Variants in GCSH observed in about 807,000 individuals in gnomAD.
GCSH encodes glycine cleavage system protein H, also known as glycine cleavage system H protein, mitochondrial.
A neutral mutation model predicts 21.3 loss-of-function variants in GCSH; 15 were observed. That is an observed-to-expected ratio of 0.70 (90% confidence interval 0.47 to 1.08). The LOEUF (loss-of-function observed/expected upper bound fraction) is 1.08, where lower values mean the gene tolerates loss of function less well. GCSH is among the 50% of genes least tolerant of loss of function. The pLI, the probability that GCSH is intolerant of heterozygous loss-of-function variation, is 0.00. For missense variants in GCSH, 179 were observed against 217.5 expected (o/e 0.82, Z 1.11); for synonymous variants, 59 against 84.5 (o/e 0.70, Z 1.66).
intron 4 of GCSH, chr16:81,084,216 C>G: frequency 1.7e-6 from 1 of 583,996 alleles, no homozygotes; most frequent in South Asian, 2.1e-5. Context: ...TGGACTAAAG[C>G]AATCCACCCA....
rs201259572 is a variant in GCSH at position 81,082,849 on chromosome 16, A to C, written c.*17T>G. 6 of 1,041,434 alleles carry C rather than the reference A, an allele frequency of 5.8e-6. No individual in the cohort carries two copies. In the East Asian group the frequency reaches 1.4e-4, roughly 25 times the overall value. The allele number at this position is 1,041,434 out of a possible 1,614,324, so 64.5% of individuals were successfully genotyped here. ...GGCTTGCGTTATTTCATACTAGTTTATTTAGGAGTTCCATTTTCACTCCTC... is the reference window on the plus strand; with the variant it reads ...GGCTTGCGTTATTTCATACTAGTTTCTTTAGGAGTTCCATTTTCACTCCTC... On this transcript the variant is annotated 3_prime_UTR_variant, in exon 5 of 5. Transcript: ENST00000315467.
chr16:81,085,302 C>T (rs371610679), intron 3 of GCSH, among the ~76,000 whole-genome samples: 65 of 152,250 alleles, frequency 4.3e-4, no homozygotes, highest in African/African-American at 1.3e-3. Context: ...CGTGAGCCAC[C>T]GTGCCTGGCC....
intron 1 of GCSH, among the ~76,000 whole-genome samples, chr16:81,093,868 G>T (rs574754501): frequency 7.3e-4 from 111 of 152,144 alleles, no homozygotes; most frequent in African/African-American, 2.6e-3. Context: ...TTTAACCCTT[G>T]GCCCGACAGG....
chr16:81,084,675 C>A, intron 3 of GCSH, 81 bp from the exon 4 acceptor site: 1 of 1,006,204 alleles, frequency 9.9e-7, no homozygotes, highest in Non-Finnish European at 1.5e-6. Context: ...AAAGTAGATT[C>A]CTGTCATACA....
chr16:81,084,144 TA>T, intron 4 of GCSH: 1 of 455,554 alleles, frequency 2.2e-6, no homozygotes, highest in Non-Finnish European at 3.9e-6. Context: ...CACAGCCAGC[TA>T]ATTTTTGTAT....
At chr16:81,095,400 T>TTTTTTTTTG (rs1972483260) in intron 1 of GCSH, among the ~76,000 whole-genome samples, 1 of 137,520 alleles carries the variant, frequency 7.3e-6, no homozygotes, top group African/African-American at 2.7e-5. Flanking sequence ...TTTTTTTTTT[T>TTTTTTTTTG]GAGGTGGAGT....
intron 2 of GCSH, among the ~76,000 whole-genome samples, chr16:81,090,134 A>G (rs1462301833): frequency 2.0e-5 from 3 of 150,150 alleles, no homozygotes; most frequent in Non-Finnish European, 4.4e-5. Flanking sequence ...TCTGTCACCC[A>G]GGCTAGAGTG....
At chr16:81,084,268 T>C in intron 4 of GCSH, 195 bp downstream of exon 4, 1 of 641,874 alleles carries the variant, frequency 1.6e-6, no homozygotes, top group Non-Finnish European at 2.8e-6. Context: ...CGCGAGCCAC[T>C]GCGCCTAGCC....
intron 1 of GCSH, among the ~76,000 whole-genome samples, chr16:81,091,975 T>G (rs1383968737): frequency 6.6e-6 from 1 of 152,026 alleles, no homozygotes; most frequent in Admixed American, 6.6e-5. Flanking sequence ...CTTTCTAAAG[T>G]TCATACCCCT....
intron 1 of GCSH, among the ~76,000 whole-genome samples, chr16:81,092,840 T>C (rs554224924): frequency 6.6e-6 from 1 of 151,460 alleles, no homozygotes; most frequent in South Asian, 2.1e-4. Flanking sequence ...CCTTAAATTA[T>C]CATGTTGCAG....
intron 2 of GCSH, 139 bp from the exon 3 acceptor site, chr16:81,087,803 T>G: frequency 1.4e-6 from 1 of 703,638 alleles, no homozygotes; most frequent in East Asian, 2.7e-5. Flanking sequence ...CATTCTTGAG[T>G]TTTCCTTAAA....
At chr16:81,096,026 C>T (rs905200856) in intron 1 of GCSH, 105 bp downstream of exon 1, 4 of 983,812 alleles carry the variant, frequency 4.1e-6, no homozygotes, top group South Asian at 4.9e-5. Context: ...CGCTCCGCCC[C>T]GGTGGCTCAG....
chr16:81,087,982 T>C (rs1303952249), intron 2 of GCSH, among the ~76,000 whole-genome samples: 48 of 152,046 alleles, frequency 3.2e-4, no homozygotes, highest in Admixed American at 3.2e-3. Context: ...AAAAATTAGC[T>C]GGGTGTGGTG....
At chr16:81,094,484 G>A (rs1284171256) in intron 1 of GCSH, among the ~76,000 whole-genome samples, 4 of 150,902 alleles carry the variant, frequency 2.7e-5, no homozygotes, top group Admixed American at 6.6e-5. Context: ...CAGCCTGGGC[G>A]ACAGAGCGAG....
intron 1 of GCSH, among the ~76,000 whole-genome samples, chr16:81,091,706 T>A (rs149002899): frequency 6.6e-6 from 1 of 152,170 alleles, no homozygotes; most frequent in Admixed American, 6.6e-5. Flanking sequence ...CAAAGGATAG[T>A]AGTACTTAAA....
At chr16:81,088,068 G>T (rs1371884522) in intron 2 of GCSH, among the ~76,000 whole-genome samples, 3 of 152,124 alleles carry the variant, frequency 2.0e-5, no homozygotes, top group Non-Finnish European at 4.4e-5. Context: ...AGAGGTTGCA[G>T]TGAGTTGAGA....
chr16:81,091,961 G>A (rs572187340), intron 1 of GCSH, among the ~76,000 whole-genome samples: 1 of 151,982 alleles, frequency 6.6e-6, no homozygotes, highest in South Asian at 2.1e-4. Flanking sequence ...CCTTAATTAT[G>A]AAACTTTCTA....
intron 1 of GCSH, chr16:81,091,302 CATCGCTTAAAGA>C (rs1972392961): frequency 2.9e-6 from 1 of 343,950 alleles, no homozygotes; most frequent in African/African-American, 2.2e-5. Context: ...ATAGCACTAC[CATCGCTTAAAGA>C]AGAAAATTAA....
intron 4 of GCSH, chr16:81,083,797 G>A (rs572102715): frequency 5.9e-5 from 9 of 152,522 alleles, no homozygotes; most frequent in Admixed American, 5.2e-4. Context: ...GGGTGAAAAT[G>A]TGAGAAAACC....
Sources: gnomAD v4.1 joint callset for allele counts (sites outside exome capture counted in the v4.1 genomes callset) on GRCh38, gnomAD v4.1.1 for gene constraint, MANE v1.5 for transcripts, NCBI Gene and HGNC (gene_info 2026-07-23, HGNC 2026-07-21) for gene names.